CPZ: variants seen among roughly 807,000 people sequenced by gnomAD.
CPZ encodes VEZT/CPZ fusion.
In CPZ, 103 loss-of-function variants were observed where a neutral mutation model predicts 61.8. The ratio of observed to expected loss-of-function variants is 1.67; its 90% CI spans 1.42 to 1.96. The LOEUF is 1.96. CPZ is among the 30% of genes most tolerant of loss of function. CPZ has a pLI of 0.00. For missense variants in CPZ, 1,461 were observed against 914.9 expected (o/e 1.60, Z -7.70); for synonymous variants, 551 against 373.7 (o/e 1.47, Z -5.47).
intron 1 of CPZ, among the ~76,000 whole-genome samples, chr4:8,596,031 C>G (rs551671544): frequency 6.6e-6 from 1 of 151,726 alleles, no homozygotes; most frequent in Admixed American, 6.6e-5. Context: ...TTCCAGCCTT[C>G]CAGCCTCCAG....
chr4:8,614,991 C>G (rs1000608618), intron 9 of CPZ, among the ~76,000 whole-genome samples: 1 of 151,972 alleles, frequency 6.6e-6, no homozygotes, highest in African/African-American at 2.4e-5. Context: ...AGGACTCGAG[C>G]CGTGGGATGG....
rs1714981598 is a variant in CPZ, at chr4:8,606,129, CGCATCCACCT to C, written c.853_862del (p.Ile285CysfsTer4). 1 of 1,613,938 alleles carries C rather than the reference CGCATCCACCT, an allele frequency of 6.2e-7. No individual in the cohort carries two copies. Among genetic ancestry groups the C allele is most frequent in the Non-Finnish European group, 8.5e-7 (1 of 1,179,928 alleles). On this transcript the variant is annotated frameshift_variant, in exon 5 of 11. Transcript: ENST00000360986. LOFTEE classifies it high-confidence loss of function. ...CATCCAGCGCCTGCTCAACACCACC[CGCATCCACCT>C]GCTGCCCTCCATGAACCCTGACGGC... is the stretch of plus-strand genomic sequence containing the variant.
At chr4:8,609,132 T>C (rs1319268399) in intron 7 of CPZ, among the ~76,000 whole-genome samples, 69 of 135,278 alleles carry the variant, frequency 5.1e-4, no homozygotes, top group Middle Eastern at 4.3e-3. Context: ...ACTCATTCAC[T>C]CATTTACTCA....
chr4:8,603,915 C>T, intron 3 of CPZ, 61 bp from the exon 4 acceptor site: 1 of 1,472,492 alleles, frequency 6.8e-7, no homozygotes, highest in Non-Finnish European at 9.5e-7. Flanking sequence ...TCAGCGTTCC[C>T]AGGCAGTGGT....
At position 8,612,104 on chromosome 4, in the gene CPZ, C is replaced by T. The variant is rs1715751182; in HGVS notation, c.1305C>T (p.Gly435=). ...MMDRSENRCG[G]NFLKRGSIIN... ...ACAGGTCGGAGAATAGGTGTGGAGG[C>T]AATTTCCTGAAGAGGGGGAGCATCA... The change falls in exon 8 of 11, where the codon GGC becomes GGT. Residue 435 remains glycine (G), a synonymous_variant. Transcript: ENST00000360986. The T allele has an allele frequency of 1.9e-6, 3 of 1,605,660 alleles. No homozygotes were observed. Among genetic ancestry groups the T allele is most frequent in the Non-Finnish European group, 2.6e-6 (3 of 1,175,392 alleles).
chr4:8,608,235 C>A (rs898795566), intron 7 of CPZ, among the ~76,000 whole-genome samples: 3 of 152,154 alleles, frequency 2.0e-5, no homozygotes, highest in African/African-American at 7.2e-5. Context: ...GCCTGCCCTC[C>A]ACCTGGCCCC....
At chr4:8,598,785 A>T (rs150490168) in intron 1 of CPZ, among the ~76,000 whole-genome samples, 17 of 152,324 alleles carry the variant, frequency 1.1e-4, no homozygotes, top group Non-Finnish European at 1.6e-4. Context: ...GCCTTCTCAG[A>T]GGCCTTACTG....
chr4:8,611,270 G>T (rs545799010), intron 7 of CPZ: 30 of 456,248 alleles, frequency 6.6e-5, no homozygotes, highest in African/African-American at 6.0e-4. Flanking sequence ...TCTGCCCAAG[G>T]TCAGTCTGGG....
At chr4:8,605,633 A>ACC (rs1560294259) in intron 4 of CPZ, among the ~76,000 whole-genome samples, 12 of 103,732 alleles carry the variant, frequency 1.2e-4, no homozygotes, top group African/African-American at 7.1e-4. Context: ...CATCATTGAT[A>ACC]TATCCATTCA....
intron 1 of CPZ, among the ~76,000 whole-genome samples, chr4:8,593,399 G>T (rs1713943391): frequency 6.6e-6 from 1 of 152,226 alleles, no homozygotes; most frequent in Non-Finnish European, 1.5e-5. Context: ...TGGCCCTAAG[G>T]GCTGGGAGGG....
intron 8 of CPZ, 54 bp from the exon 9 acceptor site, chr4:8,614,304 CG>C (rs1473781295): frequency 1.3e-4 from 200 of 1,578,242 alleles, no homozygotes; most frequent in Non-Finnish European, 1.7e-4. Flanking sequence ...CCTGACGTCC[CG>C]GCTGTCTCTG....
chr4:8,607,449 C>G, intron 7 of CPZ, 24 bp downstream of exon 7: 1 of 1,611,138 alleles, frequency 6.2e-7, no homozygotes, highest in Non-Finnish European at 8.5e-7. Flanking sequence ...CGGGTGTGTG[C>G]AGGGGAGGGA....
intron 5 of CPZ, among the ~76,000 whole-genome samples, chr4:8,606,392 G>A (rs1160840497): frequency 6.6e-6 from 1 of 152,204 alleles, no homozygotes; most frequent in Non-Finnish European, 1.5e-5. Context: ...AAAAGGTGAT[G>A]CGTGTGATAG....
chr4:8,615,227 T>C (rs1245850924), intron 9 of CPZ, among the ~76,000 whole-genome samples: 2 of 151,854 alleles, frequency 1.3e-5, no homozygotes, highest in African/African-American at 4.8e-5. Context: ...TGGCTGAGAA[T>C]GTGTCTAAAA....
chr4:8,609,127 T>TTTACTCATTCAC (rs1560297898), intron 7 of CPZ, among the ~76,000 whole-genome samples: 4 of 139,362 alleles, frequency 2.9e-5, no homozygotes, highest in Non-Finnish European at 4.6e-5. Flanking sequence ...CCCTCACTCA[T>TTTACTCATTCAC]TCACTCATTT....
At position 8,614,480 on chromosome 4, in the gene CPZ, C is replaced by A; in HGVS notation, c.1485C>A (p.Leu495=). The A allele has an allele frequency of 6.2e-7, 1 of 1,613,714 alleles. No homozygotes were observed. ...TCTGGCAGCACAACAAGGAGTCACT[C>A]CTGAATTTCGTGGAGACGGTGAGTT... ...YILWQHNKES[L]LNFVETVHRG... The change falls in exon 9 of 11, where the codon CTC becomes CTA. Residue 495 remains leucine, a synonymous_variant. Coordinates refer to ENST00000360986, the MANE Select transcript of CPZ (RefSeq NM_001014447.3).
In CPZ at chr4:8,619,499, C is replaced by A. The variant is rs946691927; in HGVS notation, c.1841C>A (p.Thr614Lys). 2 of 1,605,912 alleles carry A rather than the reference C, an allele frequency of 1.2e-6. No homozygotes were observed. The change falls in exon 11 of 11, where the codon ACG becomes AAG. Residue 614 changes from threonine (T) to lysine (K), a missense_variant. By Grantham distance (78) the Thr-to-Lys change is moderately conservative (BLOSUM62 -1). Coordinates refer to ENST00000360986, the MANE Select transcript of CPZ (RefSeq NM_001014447.3). Reference protein sequence around the residue: ...LGGASSLGEATEPDPLRARRQ... With the variant: ...LGGASSLGEAKEPDPLRARRQ... ...GGTGCCAGCTCTTTGGGGGAGGCCA[C>A]GGAGCCCGACCCGCTCCGGGCGCGC...
At chr4:8,611,952 T>C in intron 7 of CPZ, 75 bp from the exon 8 acceptor site, 1 of 1,606,136 alleles carries the variant, frequency 6.2e-7, no homozygotes, top group Non-Finnish European at 8.5e-7. Flanking sequence ...GCGCAGCTCC[T>C]CCCCTCATTG....
intron 1 of CPZ, among the ~76,000 whole-genome samples, 195 bp from the exon 2 acceptor site, chr4:8,599,258 G>T (rs912762671): frequency 6.6e-6 from 1 of 152,236 alleles, no homozygotes; most frequent in East Asian, 1.9e-4. Flanking sequence ...CCTCTCAGAC[G>T]CAGCTTTCAT....
Sources: allele counts gnomAD v4.1 joint callset (sites outside exome capture counted in the v4.1 genomes callset), GRCh38; gene constraint gnomAD v4.1.1; transcripts MANE v1.5; gene names NCBI Gene and HGNC (gene_info 2026-07-23, HGNC 2026-07-21).